Variants in SRGAP1 observed in about 807,000 individuals in gnomAD.
SRGAP1 encodes the protein SLIT-ROBO Rho GTPase activating protein 1.
SRGAP1 carries 43 observed loss-of-function variants against 121.9 expected under a neutral mutation model. The ratio of observed to expected loss-of-function variants is 0.35; its 90% CI spans 0.28 to 0.46. The LOEUF is 0.46. SRGAP1 is among the 20% of genes least tolerant of loss of function. The pLI, the probability that SRGAP1 is intolerant of heterozygous loss-of-function variation, is 1.00. For missense variants in SRGAP1, 1,102 were observed against 1,350.9 expected (o/e 0.82, Z 2.89); for synonymous variants, 447 against 485.4 (o/e 0.92, Z 1.04).
At chr12:63,888,487 A>G (rs1900467804) in intron 1 of SRGAP1, 1 of 152,196 alleles carries the variant, frequency 6.6e-6, no homozygotes, top group South Asian at 2.1e-4. Context: ...GAGATGCACC[A>G]GATCACATGG....
intron 15 of SRGAP1, 91 bp downstream of exon 15, chr12:64,097,466 C>T: frequency 1.5e-6 from 2 of 1,345,986 alleles, no homozygotes; most frequent in African/African-American, 1.5e-5. Flanking sequence ...CATACACCCC[C>T]ACCCCCATTA....
intron 1 of SRGAP1, among the ~76,000 whole-genome samples, chr12:63,910,109 T>A (rs1363349483): frequency 6.6e-6 from 1 of 152,232 alleles, no homozygotes; most frequent in African/African-American, 2.4e-5. Flanking sequence ...GGAAAGCATC[T>A]GTGTCTTTTG....
Position 64,147,215 on chromosome 12 carries a change from C to A in SRGAP1, c.*4543C>A. 3.0e-6 allele frequency: 1 copy of A among 337,686 alleles called. No individual in the cohort carries two copies. Among genetic ancestry groups the A allele is most frequent in the Non-Finnish European group, 5.3e-6 (1 of 187,278 alleles). The allele number at this position is 337,686 out of a possible 1,614,324, so 20.9% of individuals were successfully genotyped here. On this transcript the variant is annotated 3_prime_UTR_variant, in exon 22 of 22. Transcript: ENST00000355086. ...TATTGTCCTTTCCTGTCGGTTTGAT[C>A]AATTGCGGTACCGGTAGCTTCCTGC...
chr12:64,057,794 A>G (rs1167609696), intron 6 of SRGAP1, among the ~76,000 whole-genome samples: 2 of 152,228 alleles, frequency 1.3e-5, no homozygotes, highest in African/African-American at 4.8e-5. Context: ...AAATGAAGGT[A>G]GAATAATTCT....
rs1592367558 is a variant in SRGAP1, at chr12:64,154,047, G to A, written c.*11375G>A. 6.6e-6 allele frequency: 1 copy of A among 152,272 alleles called. No homozygotes were observed. Among genetic ancestry groups the A allele is most frequent in the East Asian group, 1.9e-4 (1 of 5,180 alleles). The allele number at this position is 152,272 out of a possible 1,614,324, so 9.4% of individuals were successfully genotyped here. A position where few individuals can be genotyped will look rare whatever the true frequency, so the allele number is the denominator to read the frequency against. On this transcript the variant is annotated 3_prime_UTR_variant, in exon 22 of 22. Coordinates refer to ENST00000355086, the MANE Select transcript of SRGAP1 (RefSeq NM_020762.4). ...AAGTGAAATGAGCCAATCAATAAAG[G>A]ACAAACATTGCATGATTTTACTTCT...
Position 64,043,431 on chromosome 12 carries a change from A to G in SRGAP1, c.673-16A>G. 2.5e-6 allele frequency: 4 copies of G among 1,603,728 alleles called. No individual in the cohort carries two copies. Among genetic ancestry groups the G allele is most frequent in the Non-Finnish European group, 2.5e-6 (3 of 1,176,970 alleles). ...CTTTGCATTCTTTCCCAATGCCTGGATCTTCTTCATTCCAGAGACAAGCAA... is the reference window on the plus strand; with the variant it reads ...CTTTGCATTCTTTCCCAATGCCTGGGTCTTCTTCATTCCAGAGACAAGCAA... On this transcript the variant is annotated splice_polypyrimidine_tract_variant and intron_variant, in intron 5 of 21. Coordinates refer to ENST00000355086, the MANE Select transcript of SRGAP1 (RefSeq NM_020762.4).
intron 6 of SRGAP1, among the ~76,000 whole-genome samples, chr12:64,055,515 T>C (rs991576245): frequency 6.6e-6 from 1 of 151,248 alleles, no homozygotes; most frequent in Non-Finnish European, 1.5e-5. Context: ...TTAAAGTTCA[T>C]ATGGAACCAA....
intron 3 of SRGAP1, among the ~76,000 whole-genome samples, chr12:63,992,283 A>C (rs954302530): frequency 6.6e-6 from 1 of 152,214 alleles, no homozygotes; most frequent in Non-Finnish European, 1.5e-5. Context: ...GCTAAGAGTC[A>C]AACAGATTTG....
intron 3 of SRGAP1, among the ~76,000 whole-genome samples, chr12:64,000,265 TGTGTGTGTGTAA>T (rs1369137509): frequency 1.9e-4 from 29 of 148,956 alleles, no homozygotes; most frequent in African/African-American, 5.7e-4. Context: ...TGTGTGTGTG[TGTGTGTGTGTAA>T]AAAAAAAAAA....
chr12:64,061,746 A>G (rs2035452917), intron 6 of SRGAP1, among the ~76,000 whole-genome samples: 1 of 152,178 alleles, frequency 6.6e-6, no homozygotes, highest in Non-Finnish European at 1.5e-5. Context: ...TTTTGTCTCT[A>G]TAGATTTATC....
At chr12:64,014,107 C>T (rs780311368) in intron 3 of SRGAP1, among the ~76,000 whole-genome samples, 32 of 152,188 alleles carry the variant, frequency 2.1e-4, no homozygotes, top group Non-Finnish European at 4.0e-4. Context: ...ATCTTATTAA[C>T]ACTTACAAGA....
chr12:64,088,830 T>A (rs374731584), intron 11 of SRGAP1, among the ~76,000 whole-genome samples: 1 of 152,180 alleles, frequency 6.6e-6, no homozygotes, highest in Admixed American at 6.5e-5. Context: ...CTCCCAGTCA[T>A]GCGGGGACAA....
intron 4 of SRGAP1, among the ~76,000 whole-genome samples, chr12:64,027,876 C>T (rs1160812097): frequency 6.6e-6 from 1 of 151,568 alleles, no homozygotes; most frequent in Non-Finnish European, 1.5e-5. Context: ...GCAGCCTTTC[C>T]ATTTTAGTTG....
At chr12:64,135,925 G>A (rs776517087) in intron 21 of SRGAP1, among the ~76,000 whole-genome samples, 5 of 152,150 alleles carry the variant, frequency 3.3e-5, no homozygotes, top group East Asian at 1.9e-4. Context: ...GCAAGGAGTC[G>A]GTCCAAGTTC....
At position 64,062,975 on chromosome 12, in the gene SRGAP1, C is replaced by T. The variant is rs770426933; in HGVS notation, c.860C>T (p.Ala287Val). 7 of 1,613,794 alleles carry T rather than the reference C, an allele frequency of 4.3e-6. No homozygotes were observed. Among genetic ancestry groups the T allele is most frequent in the Admixed American group, 1.7e-5 (1 of 59,992 alleles). ...LNRALRTYLS[A>V]EYNLETSRHE... ...AGAGCCCTAAGAACATATCTGTCTG[C>T]GGAGTACAACCTTGAAACCTCCAGA... Residue 287 changes from alanine to valine, a missense_variant, in exon 7 of 22, where the codon GCG becomes GTG. Coordinates refer to ENST00000355086, the MANE Select transcript of SRGAP1 (RefSeq NM_020762.4).
At chr12:63,908,126 A>G (rs1464381754) in intron 1 of SRGAP1, among the ~76,000 whole-genome samples, 3 of 151,974 alleles carry the variant, frequency 2.0e-5, no homozygotes, top group Admixed American at 6.5e-5. Flanking sequence ...CTTCGTAGTA[A>G]GCTTTGAAAT....
Position 63,934,855 on chromosome 12 carries a change from C to T in SRGAP1, c.68-49092C>T, listed in dbSNP as rs924719462. The stretch of plus-strand genomic sequence containing the variant: ...TGAAGAGGTTCTATAATATCCCTAC[C>T]TCACCTCATTTTTTTTCCCAGTAAC... On this transcript the variant is annotated intron_variant, in intron 1 of 21. Coordinates refer to ENST00000355086, the MANE Select transcript of SRGAP1 (RefSeq NM_020762.4). 2.0e-5 allele frequency among the ~76,000 whole-genome samples: 3 copies of T among 152,180 alleles called. 1 individual carries two copies. The highest frequency in any genetic ancestry group is 7.2e-5 in the African/African-American group (3 of 41,440).
intron 8 of SRGAP1, among the ~76,000 whole-genome samples, chr12:64,070,663 G>C (rs1276094005): frequency 6.6e-6 from 1 of 152,168 alleles, no homozygotes; most frequent in Non-Finnish European, 1.5e-5. Flanking sequence ...TTGCCAAGGA[G>C]TATTTCACAG....
intron 6 of SRGAP1, among the ~76,000 whole-genome samples, chr12:64,056,395 A>G (rs1782971675): frequency 2.0e-5 from 3 of 152,112 alleles, no homozygotes; most frequent in Admixed American, 1.3e-4. Context: ...TCTAATAAAA[A>G]TGCAAAAATT....
Sources: gnomAD v4.1 joint callset for allele counts (sites outside exome capture counted in the v4.1 genomes callset) on GRCh38, gnomAD v4.1.1 for gene constraint, MANE v1.5 for transcripts, NCBI Gene and HGNC (gene_info 2026-07-23, HGNC 2026-07-21) for gene names.